The following GPHN variants were observed in gnomAD, a reference collection of about 807,000 sequenced individuals.
GPHN encodes gephyrin.
GPHN carries 17 observed loss-of-function variants against 95.5 expected under a neutral mutation model. The observed-to-expected ratio is 0.18, with a 90% CI of 0.12 to 0.27. The LOEUF is 0.27. Ranked by LOEUF, GPHN falls within the 10% of genes least tolerant of loss-of-function variation. GPHN has a pLI of 1.00. For synonymous variants in GPHN, 320 were observed against 322.5 expected (o/e 0.99, Z 0.08); for missense variants, 660 against 978.1 (o/e 0.67, Z 4.34).
rs886524656 is a variant in GPHN at position 66,827,819 on chromosome 14, C to G, written c.294+3253C>G. Among the ~76,000 whole-genome samples, 8 of 151,944 alleles carry G rather than the reference C, an allele frequency of 5.3e-5. No homozygotes were observed. The East Asian group carries it at 1.5e-3, about 29-fold the overall frequency. ...ATAAATCAGAAATCTTGAATTTCTG[C>G]TATTCTAGTATCTAGGTTTTGTTTC... is the stretch of plus-strand genomic sequence containing the variant. On this transcript the variant is annotated intron_variant, in intron 4 of 22. Coordinates refer to ENST00000478722, the MANE Select transcript of GPHN (RefSeq NM_020806.5).
intron 1 of GPHN, among the ~76,000 whole-genome samples, chr14:66,574,389 T>C (rs117402154): frequency 0.012 from 1,839 of 152,380 alleles, 20 homozygotes; most frequent in Non-Finnish European, 0.018. Flanking sequence ...GTTATTTTAC[T>C]GCTTTTCTTA....
the GPHN span, among the ~76,000 whole-genome samples, chr14:67,604,797 A>T: frequency 6.6e-6 from 1 of 152,196 alleles, no homozygotes; most frequent in Middle Eastern, 3.4e-3. Context: ...CCAATGATCC[A>T]TTTTGAACTA....
intron 2 of GPHN, among the ~76,000 whole-genome samples, chr14:66,731,050 T>C (rs2071720236): frequency 6.6e-6 from 1 of 152,204 alleles, no homozygotes; most frequent in African/African-American, 2.4e-5. Flanking sequence ...GGCTCTCTCT[T>C]GCCTACCGCC....
chr14:67,070,715 A>AAT (rs1555482658), intron 11 of GPHN, among the ~76,000 whole-genome samples: 5,492 of 80,196 alleles, frequency 0.068, 285 homozygotes, highest in Admixed American at 0.097. Context: ...AAAAAAAAAA[A>AAT]ATATATATAT....
intron 4 of GPHN, among the ~76,000 whole-genome samples, chr14:66,858,090 G>A (rs539625080): frequency 3.9e-5 from 6 of 152,270 alleles, no homozygotes; most frequent in Admixed American, 1.3e-4. Context: ...AAGGCAGTCT[G>A]CGCTCCAAGA....
intron 9 of GPHN, among the ~76,000 whole-genome samples, chr14:66,970,130 A>G (rs1002873808): frequency 2.0e-5 from 3 of 147,752 alleles, no homozygotes; most frequent in Non-Finnish European, 3.0e-5. Flanking sequence ...TATAAATACT[A>G]TCAATATCTA....
chr14:67,359,208 G>A, the GPHN span, among the ~76,000 whole-genome samples: 1 of 152,168 alleles, frequency 6.6e-6, no homozygotes, highest in African/African-American at 2.4e-5. Flanking sequence ...TTGGCTTAGG[G>A]ACCTCTTCTA....
intron 3 of GPHN, among the ~76,000 whole-genome samples, chr14:66,799,810 G>A (rs8006669): frequency 0.33 from 49,383 of 151,686 alleles, 12,775 homozygotes; most frequent in African/African-American, 0.7. Flanking sequence ...ATTACATTCA[G>A]TGTTATTATT....
intron 3 of GPHN, among the ~76,000 whole-genome samples, chr14:66,783,390 T>C (rs1230381096): frequency 6.6e-6 from 1 of 152,056 alleles, no homozygotes; most frequent in Admixed American, 6.6e-5. Flanking sequence ...CAGAAGTTGA[T>C]CTATCACCAG....
chr14:66,712,087 A>C (rs1595652355), intron 2 of GPHN, among the ~76,000 whole-genome samples: 1 of 152,100 alleles, frequency 6.6e-6, no homozygotes, highest in Non-Finnish European at 1.5e-5. Flanking sequence ...ATGATTTATA[A>C]TCCTTTGGGT....
intron 9 of GPHN, among the ~76,000 whole-genome samples, chr14:66,987,378 C>T (rs1237955051): frequency 6.6e-6 from 1 of 152,006 alleles, no homozygotes; most frequent in Admixed American, 6.6e-5. Context: ...ATTGTATGTG[C>T]GAGTGCGCGT....
intron 9 of GPHN, among the ~76,000 whole-genome samples, chr14:67,003,377 T>C (rs1270913026): frequency 2.6e-5 from 4 of 151,678 alleles, no homozygotes; most frequent in Non-Finnish European, 4.4e-5. Flanking sequence ...GAGATTTAAA[T>C]TGACATATAT....
intron 8 of GPHN, among the ~76,000 whole-genome samples, chr14:66,950,570 C>T (rs1337043050): frequency 1.3e-5 from 2 of 152,274 alleles, no homozygotes; most frequent in South Asian, 4.2e-4. Context: ...GCTTCTACTT[C>T]CTTATTATTA....
chr14:66,995,907 G>T (rs1211189726), intron 9 of GPHN, among the ~76,000 whole-genome samples: 3 of 152,134 alleles, frequency 2.0e-5, no homozygotes, highest in African/African-American at 7.2e-5. Flanking sequence ...TTTCTTAAAT[G>T]AGGATCTTCT....
At chr14:66,599,380 A>ATTTT (rs142321214) in intron 1 of GPHN, among the ~76,000 whole-genome samples, 7 of 111,360 alleles carry the variant, frequency 6.3e-5, no homozygotes, top group South Asian at 2.7e-4. Flanking sequence ...CTGATTTTAC[A>ATTTT]TTTTTTTTTG....
intron 5 of GPHN, among the ~76,000 whole-genome samples, chr14:66,906,347 G>T (rs576356205): frequency 7.2e-5 from 11 of 152,128 alleles, no homozygotes; most frequent in Admixed American, 2.0e-4. Flanking sequence ...TGCTTCCCAT[G>T]GGTTAAGGCA....
chr14:66,517,896 A>C (rs1300581078), intron 1 of GPHN, among the ~76,000 whole-genome samples: 2 of 152,092 alleles, frequency 1.3e-5, no homozygotes, highest in Non-Finnish European at 2.9e-5. Context: ...AATTTTATAA[A>C]TAAGACCTCA....
chr14:66,786,757 G>A (rs1329690903), intron 3 of GPHN, among the ~76,000 whole-genome samples: 1 of 151,940 alleles, frequency 6.6e-6, no homozygotes, highest in Non-Finnish European at 1.5e-5. Context: ...CCATGTCAAC[G>A]AGCTAAAGAT....
chr14:67,336,769 C>T, the GPHN span: 1 of 455,498 alleles, frequency 2.2e-6, no homozygotes, highest in Non-Finnish European at 4.4e-6. Context: ...TAAACAGTTA[C>T]CTATTTTTAA....
Sources: gnomAD v4.1 joint callset for allele counts (sites outside exome capture counted in the v4.1 genomes callset) on GRCh38, gnomAD v4.1.1 for gene constraint, MANE v1.5 for transcripts, NCBI Gene and HGNC (gene_info 2026-07-23, HGNC 2026-07-21) for gene names.